The following MCTP1 variants were observed in gnomAD, a reference collection of about 807,000 sequenced individuals.
MCTP1 encodes the protein multiple C2 and transmembrane domain-containing protein 1.
In MCTP1, 69 loss-of-function variants were observed where a neutral mutation model predicts 120.6. That is an observed-to-expected ratio of 0.57 (90% CI 0.47 to 0.70). The LOEUF (loss-of-function observed/expected upper bound fraction) is 0.70, where lower values mean the gene tolerates loss of function less well. Ranked by LOEUF, MCTP1 falls within the 30% of genes least tolerant of loss-of-function variation. MCTP1 has a pLI of 0.00. For synonymous variants in MCTP1, 529 were observed against 493.1 expected (o/e 1.07, Z -0.96); for missense variants, 1,203 against 1,248.8 (o/e 0.96, Z 0.55).
intron 19 of MCTP1, among the ~76,000 whole-genome samples, chr5:94,736,040 T>G (rs1418124360): frequency 2.0e-5 from 3 of 152,220 alleles, no homozygotes; most frequent in Non-Finnish European, 4.4e-5. Context: ...TGTCCATGTG[T>G]ACCTTACTTA....
intron 1 of MCTP1, among the ~76,000 whole-genome samples, chr5:95,260,254 G>A (rs1758349155): frequency 6.6e-6 from 1 of 152,172 alleles, no homozygotes; most frequent in African/African-American, 2.4e-5. Flanking sequence ...TCCCAGAACA[G>A]GTTGTGTGAG....
chr5:95,089,410 T>C (rs4869232), intron 1 of MCTP1, among the ~76,000 whole-genome samples: 2,762 of 152,328 alleles, frequency 0.018, 24 homozygotes, highest in Non-Finnish European at 0.031. Context: ...AAGAAGTAGA[T>C]GTGGATACCT....
chr5:94,988,560 T>C (rs528919653), intron 2 of MCTP1, among the ~76,000 whole-genome samples: 26 of 151,942 alleles, frequency 1.7e-4, no homozygotes, highest in Non-Finnish European at 2.8e-4. Flanking sequence ...AAGTAGGTTT[T>C]CGAAAACAAC....
At chr5:94,899,957 A>G (rs569910055) in intron 10 of MCTP1, among the ~76,000 whole-genome samples, 5 of 152,310 alleles carry the variant, frequency 3.3e-5, no homozygotes, top group African/African-American at 9.6e-5. Context: ...CTTAAGGCAA[A>G]AACCATTGCT....
rs184406346 is a variant in MCTP1 at position 94,822,699 on chromosome 5, C to T, written c.2437-23567G>A. Among the ~76,000 whole-genome samples, 18 of 152,286 alleles carry T rather than the reference C, an allele frequency of 1.2e-4. 1 individual carries two copies. The highest frequency in any genetic ancestry group is 3.8e-4 in the African/African-American group (16 of 41,572). ...CAGTGTAAAAGTGTTCTTATTTCTC[C>T]ACATCCTCTCCAGCATCTGTTGTTT... On this transcript the variant is annotated intron_variant, in intron 17 of 22. Transcript: ENST00000515393.
At chr5:95,065,581 T>G (rs1750443322) in intron 1 of MCTP1, among the ~76,000 whole-genome samples, 1 of 152,168 alleles carries the variant, frequency 6.6e-6, no homozygotes, top group African/African-American at 2.4e-5. Flanking sequence ...TAAGAAAATC[T>G]AGCAAGGCAG....
chr5:95,059,851 C>T (rs1439775489), intron 1 of MCTP1, among the ~76,000 whole-genome samples: 2 of 152,052 alleles, frequency 1.3e-5, no homozygotes, highest in Non-Finnish European at 2.9e-5. Context: ...GAGTAAAACC[C>T]CTCACACTTT....
chr5:94,973,169 T>C (rs1203927851), intron 2 of MCTP1, among the ~76,000 whole-genome samples: 5 of 152,220 alleles, frequency 3.3e-5, no homozygotes, highest in African/African-American at 1.2e-4. Context: ...CTGCTTGACC[T>C]GGTTACCTAA....
intron 10 of MCTP1, among the ~76,000 whole-genome samples, chr5:94,899,457 C>T (rs1229735477): frequency 6.6e-6 from 1 of 152,212 alleles, no homozygotes; most frequent in Non-Finnish European, 1.5e-5. Context: ...GCTAGGCACT[C>T]CCCATTTCTG....
chr5:94,715,579 A>G (rs1034487174), intron 19 of MCTP1, among the ~76,000 whole-genome samples: 2 of 152,156 alleles, frequency 1.3e-5, no homozygotes, highest in African/African-American at 2.4e-5. Flanking sequence ...ACTGAATTTA[A>G]GCAAAGCTGG....
chr5:95,010,112 A>G (rs1835627259), intron 2 of MCTP1, among the ~76,000 whole-genome samples: 1 of 152,142 alleles, frequency 6.6e-6, no homozygotes, highest in Admixed American at 6.6e-5. Flanking sequence ...TCACACATTG[A>G]TGAGTTCAAT....
At chr5:94,737,930 C>T (rs1160576798) in intron 19 of MCTP1, among the ~76,000 whole-genome samples, 3 of 152,188 alleles carry the variant, frequency 2.0e-5, no homozygotes, top group Admixed American at 6.5e-5. Context: ...CCACCTGCCT[C>T]GGCCTCCCAG....
chr5:95,039,309 G>A (rs1333057336), intron 1 of MCTP1, among the ~76,000 whole-genome samples: 1 of 152,176 alleles, frequency 6.6e-6, no homozygotes, highest in East Asian at 1.9e-4. Context: ...CTGGACAGTT[G>A]TTGGAAGTGG....
At position 94,868,387 on chromosome 5, in the gene MCTP1, G is replaced by A. The variant is rs377576029; in HGVS notation, c.2382C>T (p.Tyr794=). 4.4e-6 allele frequency: 7 copies of A among 1,608,730 alleles called. No homozygotes were observed. Among genetic ancestry groups the A allele is most frequent in the South Asian group, 1.1e-5 (1 of 90,454 alleles). The change falls in exon 17 of 23, where the codon TAC becomes TAT. Residue 794 remains tyrosine (Y), a synonymous_variant. Transcript: ENST00000515393. The part of the protein sequence containing the change: ...CVMVLVNAAY[Y]VNSCFDWDSP... Reference sequence around the variant, plus strand: ...AATCCCAATCAAAGCAACTATTAACGTAGTATGCAGCATTTACCAGCACCA... The same window carrying A: ...AATCCCAATCAAAGCAACTATTAACATAGTATGCAGCATTTACCAGCACCA...
chr5:94,758,280 T>C (rs760923031), intron 19 of MCTP1, among the ~76,000 whole-genome samples: 31 of 152,324 alleles, frequency 2.0e-4, no homozygotes, highest in Admixed American at 2.0e-4. Flanking sequence ...GTACTATATC[T>C]TGATTTCTTG....
chr5:95,108,923 T>C (rs1034050198), intron 1 of MCTP1, among the ~76,000 whole-genome samples: 3 of 152,214 alleles, frequency 2.0e-5, no homozygotes, highest in African/African-American at 7.2e-5. Flanking sequence ...AGATGTTATA[T>C]TTTTTAATTA....
chr5:95,226,109 T>C (rs1754233224), intron 1 of MCTP1, among the ~76,000 whole-genome samples: 1 of 152,010 alleles, frequency 6.6e-6, no homozygotes, highest in Admixed American at 6.6e-5. Flanking sequence ...TGAACCCAAT[T>C]TGTAGCCTTT....
At chr5:95,120,289 T>C (rs1758130069) in intron 1 of MCTP1, among the ~76,000 whole-genome samples, 1 of 151,730 alleles carries the variant, frequency 6.6e-6, no homozygotes, top group Non-Finnish European at 1.5e-5. Flanking sequence ...ACTCAAATGA[T>C]TCAGAAAAAT....
At chr5:94,833,241 G>A (rs1788969918) in intron 17 of MCTP1, among the ~76,000 whole-genome samples, 1 of 151,958 alleles carries the variant, frequency 6.6e-6, no homozygotes, top group Non-Finnish European at 1.5e-5. Flanking sequence ...ATTGTATGCA[G>A]ATTTATTCTA....
Sources: gnomAD v4.1 joint callset for allele counts (sites outside exome capture counted in the v4.1 genomes callset) on GRCh38, gnomAD v4.1.1 for gene constraint, MANE v1.5 for transcripts, NCBI Gene and HGNC (gene_info 2026-07-23, HGNC 2026-07-21) for gene names.